The following GSG1L variants were observed in gnomAD, a reference collection of about 807,000 sequenced individuals.
The protein encoded by GSG1L is GSG1 like.
Under a neutral mutation model 42.1 loss-of-function variants are expected in GSG1L, and 24 were observed. The ratio of observed to expected loss-of-function variants is 0.57; its 90% CI spans 0.41 to 0.80. The LOEUF is 0.80. Among genes scored for constraint, GSG1L ranks in the 30% least tolerant of loss-of-function variants. GSG1L has a pLI of 0.00. For missense variants in GSG1L, 445 were observed against 472.2 expected, an observed-to-expected ratio of 0.94 and a Z score of 0.53; for synonymous variants, 215 against 203.5, an observed-to-expected ratio of 1.06 and a Z score of -0.48.
chr16:27,911,430 A>G (rs1198231824), intron 2 of GSG1L, among the ~76,000 whole-genome samples: 3 of 152,116 alleles, frequency 2.0e-5, no homozygotes, highest in Non-Finnish European at 4.4e-5. Flanking sequence ...AGCTGGGATT[A>G]CAGGCGCCCG....
At chr16:27,999,743 C>A (rs76393691) in intron 1 of GSG1L, among the ~76,000 whole-genome samples, 1,630 of 152,280 alleles carry the variant, frequency 0.011, 25 homozygotes, top group African/African-American at 0.038. Flanking sequence ...CTTAAAGGTT[C>A]TTTCTTAGCT....
At chr16:27,996,553 A>T (rs1399734853) in intron 1 of GSG1L, among the ~76,000 whole-genome samples, 6 of 152,062 alleles carry the variant, frequency 3.9e-5, no homozygotes, top group African/African-American at 7.3e-5. Context: ...TTCACACAGA[A>T]TATTAGTAGT....
intron 6 of GSG1L, among the ~76,000 whole-genome samples, chr16:27,796,635 C>T (rs778243733): frequency 2.0e-5 from 3 of 152,170 alleles, no homozygotes; most frequent in Admixed American, 6.5e-5. Flanking sequence ...GGGACGGACC[C>T]GTATGGAGGG....
chr16:27,994,942 G>A (rs769078530), intron 1 of GSG1L, among the ~76,000 whole-genome samples: 13 of 152,166 alleles, frequency 8.5e-5, no homozygotes, highest in Non-Finnish European at 1.6e-4. Context: ...GATATTTTTA[G>A]AGTTACAAAT....
At chr16:27,857,045 T>C (rs2083587738) in intron 3 of GSG1L, among the ~76,000 whole-genome samples, 1 of 152,160 alleles carries the variant, frequency 6.6e-6, no homozygotes, top group South Asian at 2.1e-4. Context: ...AGGAAGGGGT[T>C]GGCTCAACTT....
intron 1 of GSG1L, among the ~76,000 whole-genome samples, chr16:27,969,953 G>C (rs941425388): frequency 1.3e-5 from 2 of 152,154 alleles, no homozygotes; most frequent in African/African-American, 4.8e-5. Flanking sequence ...TTTTCTTAAT[G>C]ACTAATGATG....
chr16:27,942,219 G>A (rs1484423803), intron 2 of GSG1L, among the ~76,000 whole-genome samples: 8 of 148,698 alleles, frequency 5.4e-5, no homozygotes, highest in South Asian at 2.1e-4. Context: ...GCACAATCTC[G>A]GCTCACGGCA....
chr16:27,825,808 G>C (rs1189538566), intron 5 of GSG1L, among the ~76,000 whole-genome samples: 1 of 152,132 alleles, frequency 6.6e-6, no homozygotes, highest in Admixed American at 6.6e-5. Flanking sequence ...GGCTTTATAA[G>C]GGGCTTTTCT....
In GSG1L at chr16:28,003,103, A is replaced by G. The variant is rs533757657; in HGVS notation, c.350-39900T>C. ...GAGTCCTGGGACAATGGGAGAGGCC[A>G]GGGCCAGATTGCTCAGCCTCGTGCT... On this transcript the variant is annotated intron_variant, in intron 1 of 6. Transcript: ENST00000447459. Among the ~76,000 whole-genome samples the G allele has an allele frequency of 1.3e-4, 20 of 152,322 alleles. 1 individual carries two copies. In the South Asian group the frequency reaches 4.1e-3, roughly 32 times the overall value.
intron 2 of GSG1L, among the ~76,000 whole-genome samples, chr16:27,933,092 C>T (rs1307439676): frequency 1.3e-5 from 2 of 151,602 alleles, no homozygotes; most frequent in Admixed American, 6.6e-5. Flanking sequence ...AAAGGGGGCA[C>T]CTTTGTAAAA....
intron 2 of GSG1L, among the ~76,000 whole-genome samples, chr16:27,889,403 C>T (rs1379721539): frequency 6.6e-6 from 1 of 152,098 alleles, no homozygotes; most frequent in African/African-American, 2.4e-5. Context: ...AACGATTGTT[C>T]TTGTCGTTAT....
rs1159856417 is a variant in GSG1L, at chr16:28,033,058, T to C, written c.349+30018A>G. Among the ~76,000 whole-genome samples the C allele has an allele frequency of 3.3e-5, 5 of 152,270 alleles. No individual in the cohort carries two copies. In the East Asian group the frequency reaches 9.6e-4, roughly 29 times the overall value. On this transcript the variant is annotated intron_variant, in intron 1 of 6. Coordinates refer to ENST00000447459, the MANE Select transcript of GSG1L (RefSeq NM_001109763.2). ...TTTTATACTGCAGCCAATGAGGTTC[T>C]GCACACCAGGGTCCCTCTCTAGCAA...
chr16:27,825,611 T>A (rs1220882929), intron 5 of GSG1L, among the ~76,000 whole-genome samples: 1 of 152,176 alleles, frequency 6.6e-6, no homozygotes, highest in Non-Finnish European at 1.5e-5. Flanking sequence ...CAGTGAGCTG[T>A]GCTTGTGTCA....
intron 2 of GSG1L, among the ~76,000 whole-genome samples, chr16:27,896,586 T>G (rs1339484671): frequency 6.6e-6 from 1 of 152,004 alleles, no homozygotes; most frequent in Non-Finnish European, 1.5e-5. Context: ...TTTTAAAAAG[T>G]CAAAGGTCGA....
At chr16:27,886,811 A>G (rs2084036180) in intron 2 of GSG1L, among the ~76,000 whole-genome samples, 1 of 152,202 alleles carries the variant, frequency 6.6e-6, no homozygotes, top group East Asian at 1.9e-4. Flanking sequence ...CACACTTTAG[A>G]GAAGGAACTA....
At chr16:27,921,768 T>C (rs2084527264) in intron 2 of GSG1L, among the ~76,000 whole-genome samples, 2 of 152,200 alleles carry the variant, frequency 1.3e-5, no homozygotes, top group Non-Finnish European at 2.9e-5. Context: ...GGCTCTTGTT[T>C]TAGTGACCTG....
intron 5 of GSG1L, among the ~76,000 whole-genome samples, chr16:27,813,576 C>A (rs761526597): frequency 1.2e-4 from 18 of 152,210 alleles, no homozygotes; most frequent in Admixed American, 2.6e-4. Context: ...CTAGGCTTGC[C>A]CATCTTTCTA....
chr16:27,976,631 G>C (rs2085253539), intron 1 of GSG1L, among the ~76,000 whole-genome samples: 1 of 152,156 alleles, frequency 6.6e-6, no homozygotes, highest in Non-Finnish European at 1.5e-5. Context: ...GCAGACATTG[G>C]GCAGCCACAT....
At position 27,849,201 on chromosome 16, in the gene GSG1L, AAG is replaced by A. The variant is rs1491026471; in HGVS notation, c.551-4142_551-4141del. ...TGACAGAGTGAGCCTCTATCCCAAAAAGAAAAAAAAAAAAAAAAAAAAGAGAA... is the reference window on the plus strand; with the variant it reads ...TGACAGAGTGAGCCTCTATCCCAAAAAAAAAAAAAAAAAAAAAAAAGAGAA... On this transcript the variant is annotated intron_variant, in intron 3 of 6. Coordinates refer to ENST00000447459, the MANE Select transcript of GSG1L (RefSeq NM_001109763.2). 7.7e-3 allele frequency among the ~76,000 whole-genome samples: 372 copies of A among 48,084 alleles called. 17 individuals carry two copies. Among genetic ancestry groups the A allele is most frequent in the South Asian group, 0.01 (19 of 1,838 alleles). The allele number at this position is 48,084 out of a possible 152,430, so 31.5% of individuals were successfully genotyped here.
Sources: allele counts gnomAD v4.1 joint callset (sites outside exome capture counted in the v4.1 genomes callset), GRCh38; gene constraint gnomAD v4.1.1; transcripts MANE v1.5; gene names NCBI Gene and HGNC (gene_info 2026-07-23, HGNC 2026-07-21).